Variants in SCHIP1 observed in about 807,000 individuals in gnomAD.
SCHIP1 encodes the protein schwannomin-interacting protein 1.
SCHIP1 carries 8 observed loss-of-function variants against 29.7 expected under a neutral mutation model. That is an observed-to-expected ratio of 0.27 (90% confidence interval 0.16 to 0.49). SCHIP1 has a LOEUF of 0.49. Among genes scored for constraint, SCHIP1 ranks in the 20% least tolerant of loss-of-function variants. The pLI is 0.99. For synonymous variants in SCHIP1, 76 were observed against 94.9 expected (o/e 0.80, Z 1.16); for missense variants, 193 against 294.6 (o/e 0.66, Z 2.52).
chr3:159,356,876 A>G, the SCHIP1 span, among the ~76,000 whole-genome samples: 3 of 152,258 alleles, frequency 2.0e-5, no homozygotes, highest in East Asian at 5.8e-4. Context: ...TGCAGAGGCC[A>G]TGCAAAAGAG....
the SCHIP1 span, among the ~76,000 whole-genome samples, chr3:159,604,937 A>G: frequency 6.6e-6 from 1 of 152,256 alleles, no homozygotes; most frequent in Non-Finnish European, 1.5e-5. Flanking sequence ...TTGTGAAACA[A>G]GCAGCAGCTA....
the SCHIP1 span, among the ~76,000 whole-genome samples, chr3:159,561,746 T>A: frequency 6.6e-6 from 1 of 152,184 alleles, no homozygotes; most frequent in Non-Finnish European, 1.5e-5. Flanking sequence ...CTTAAGTAGA[T>A]GGTGGTTTAA....
the SCHIP1 span, among the ~76,000 whole-genome samples, chr3:159,359,331 G>A: frequency 6.6e-6 from 1 of 152,260 alleles, no homozygotes; most frequent in African/African-American, 2.4e-5. Context: ...CATAAAAGAA[G>A]TGAGGATTAC....
the SCHIP1 span, among the ~76,000 whole-genome samples, chr3:159,755,001 CT>C: frequency 1.3e-5 from 2 of 152,152 alleles, no homozygotes; most frequent in Non-Finnish European, 2.9e-5. Flanking sequence ...TTTGGGAGGC[CT>C]GAGTGGGTGG....
the SCHIP1 span, among the ~76,000 whole-genome samples, chr3:159,555,212 A>C: frequency 2.0e-5 from 3 of 152,134 alleles, no homozygotes; most frequent in Non-Finnish European, 2.9e-5. Context: ...TACAAGGAGG[A>C]TCCAGTATTA....
At chr3:159,821,702 C>T in the SCHIP1 span, among the ~76,000 whole-genome samples, 1 of 152,136 alleles carries the variant, frequency 6.6e-6, no homozygotes. Context: ...GTCATAGCAA[C>T]CTCAGCATTC....
chr3:159,598,646 G>T, the SCHIP1 span, among the ~76,000 whole-genome samples: 1 of 152,138 alleles, frequency 6.6e-6, no homozygotes, highest in Non-Finnish European at 1.5e-5. Flanking sequence ...GACTGGTGTT[G>T]AGTGCCTGCA....
chr3:159,276,060 A>G, the SCHIP1 span, among the ~76,000 whole-genome samples: 2 of 152,236 alleles, frequency 1.3e-5, no homozygotes, highest in Admixed American at 6.5e-5. Context: ...GGGTGGCTGA[A>G]TATAGAGGCA....
At chr3:159,784,936 A>C in the SCHIP1 span, among the ~76,000 whole-genome samples, 1 of 152,212 alleles carries the variant, frequency 6.6e-6, no homozygotes. Context: ...TATAGGCGTG[A>C]GCCACTGCGC....
chr3:159,660,263 C>A, the SCHIP1 span, among the ~76,000 whole-genome samples: 1 of 152,008 alleles, frequency 6.6e-6, no homozygotes, highest in South Asian at 2.1e-4. Flanking sequence ...AAGGAAGCTT[C>A]GAGTATAGAT....
chr3:159,468,461 C>A, the SCHIP1 span, among the ~76,000 whole-genome samples: 3 of 151,766 alleles, frequency 2.0e-5, no homozygotes, highest in Non-Finnish European at 4.4e-5. Flanking sequence ...AGTGATTTGA[C>A]CTCACAATTA....
chr3:159,760,624 T>C, the SCHIP1 span, among the ~76,000 whole-genome samples: 1 of 152,198 alleles, frequency 6.6e-6, no homozygotes, highest in African/African-American at 2.4e-5. Flanking sequence ...AAATACCTGT[T>C]AAGCTCCTAT....
chr3:159,657,009 G>A, the SCHIP1 span, among the ~76,000 whole-genome samples: 20 of 152,084 alleles, frequency 1.3e-4, no homozygotes, highest in African/African-American at 4.6e-4. Flanking sequence ...GCAATGAGCA[G>A]GGGTCCCTCC....
At chr3:159,684,168 G>T in the SCHIP1 span, among the ~76,000 whole-genome samples, 1 of 152,030 alleles carries the variant, frequency 6.6e-6, no homozygotes, top group Admixed American at 6.5e-5. Context: ...TATTTCTCTT[G>T]CTCTAAAGCA....
chr3:159,828,388 C>CATATATATGTAT, the SCHIP1 span, among the ~76,000 whole-genome samples: 1,478 of 65,356 alleles, frequency 0.023, 122 homozygotes, highest in African/African-American at 0.064. Context: ...TATATATATA[C>CATATATATGTAT]ATATATACGT....
At chr3:159,723,612 T>G in the SCHIP1 span, among the ~76,000 whole-genome samples, 2 of 152,228 alleles carry the variant, frequency 1.3e-5, no homozygotes, top group Non-Finnish European at 2.9e-5. Context: ...TAGGCTATGT[T>G]TATTTCATTT....
the SCHIP1 span, among the ~76,000 whole-genome samples, chr3:159,507,444 TG>T: frequency 6.6e-6 from 1 of 152,220 alleles, no homozygotes; most frequent in Non-Finnish European, 1.5e-5. Context: ...TTTTCCTAAT[TG>T]AATGTCCTTT....
the SCHIP1 span, among the ~76,000 whole-genome samples, chr3:159,534,057 C>T: frequency 1.3e-5 from 2 of 152,112 alleles, no homozygotes; most frequent in South Asian, 4.1e-4. Context: ...ATTGCAAGTT[C>T]CATGGGGGTA....
At chr3:159,353,399 T>G in the SCHIP1 span, among the ~76,000 whole-genome samples, 1 of 152,172 alleles carries the variant, frequency 6.6e-6, no homozygotes, top group Non-Finnish European at 1.5e-5. Context: ...AGGCAGAGTC[T>G]AAACCCTGAA....
Sources: gnomAD v4.1 joint callset for allele counts (sites outside exome capture counted in the v4.1 genomes callset) on GRCh38, gnomAD v4.1.1 for gene constraint, MANE v1.5 for transcripts, NCBI Gene and HGNC (gene_info 2026-07-23, HGNC 2026-07-21) for gene names.